NMNAT2: variants seen among roughly 807,000 people sequenced by gnomAD.
The protein encoded by NMNAT2 is nicotinamide nucleotide adenylyltransferase 2.
NMNAT2 carries 11 observed loss-of-function variants against 41.6 expected under a neutral mutation model. The ratio of observed to expected loss-of-function variants is 0.26; its 90% confidence interval spans 0.17 to 0.44. NMNAT2 has a LOEUF of 0.44. Ranked by LOEUF, NMNAT2 falls within the 20% of genes least tolerant of loss-of-function variation. The pLI is 1.00. For synonymous variants in NMNAT2, 148 were observed against 151.2 expected (o/e 0.98, Z 0.16); for missense variants, 288 against 407.7 (o/e 0.71, Z 2.53).
intron 1 of NMNAT2, among the ~76,000 whole-genome samples, chr1:183,365,946 A>G (rs1453712542): frequency 1.3e-5 from 2 of 152,194 alleles, no homozygotes; most frequent in African/African-American, 2.4e-5. Flanking sequence ...CAACTGAAAT[A>G]ACACCTTGAA....
chr1:183,411,908 T>A (rs1314696733), intron 1 of NMNAT2, among the ~76,000 whole-genome samples: 1 of 152,006 alleles, frequency 6.6e-6, no homozygotes, highest in Non-Finnish European at 1.5e-5. Flanking sequence ...AGGTTACATT[T>A]GAGTAAAGAA....
intron 3 of NMNAT2, among the ~76,000 whole-genome samples, chr1:183,292,050 T>A (rs1412072768): frequency 1.3e-5 from 2 of 152,238 alleles, no homozygotes; most frequent in African/African-American, 4.8e-5. Flanking sequence ...GCCCCTTTCA[T>A]GGAAACCTCT....
chr1:183,342,612 G>A (rs1489727935), intron 1 of NMNAT2, among the ~76,000 whole-genome samples: 1 of 152,134 alleles, frequency 6.6e-6, no homozygotes, highest in Non-Finnish European at 1.5e-5. Context: ...CCACCTCTAT[G>A]TTGGCAATCC....
In NMNAT2 at chr1:183,331,392, T is replaced by C. The variant is rs557467983; in HGVS notation, c.86-37599A>G. 3.3e-5 allele frequency among the ~76,000 whole-genome samples: 5 copies of C among 152,060 alleles called. No individual in the cohort carries two copies. The East Asian group carries it at 7.7e-4, about 24-fold the overall frequency. On this transcript the variant is annotated intron_variant, in intron 1 of 10. Transcript: ENST00000287713. ...CGTGAAGGAGAGAGGAGAAGGGAGC[T>C]GGAGGGTGCGGCACTGCATAGACAA...
intron 1 of NMNAT2, among the ~76,000 whole-genome samples, chr1:183,383,407 G>A (rs1487257303): frequency 1.3e-5 from 2 of 152,194 alleles, no homozygotes; most frequent in African/African-American, 2.4e-5. Flanking sequence ...CTCATTACTT[G>A]TGCAAATTTC....
chr1:183,248,820 T>A lies in NMNAT2; in HGVS notation c.*3821A>T, dbSNP rs1660294682. 1 of 152,128 alleles carries A rather than the reference T, an allele frequency of 6.6e-6. No individual in the cohort carries two copies. Among genetic ancestry groups the A allele is most frequent in the African/African-American group, 2.4e-5 (1 of 41,406 alleles). The allele number at this position is 152,128 out of a possible 1,614,324, so 9.4% of individuals were successfully genotyped here. A position where few individuals can be genotyped will look rare whatever the true frequency, so the allele number is the denominator to read the frequency against. Reference sequence around the variant, plus strand: ...ATCCTGAGCTTTTCATATTCTACCGTTTTATTTTTGCATTACTGTTTGGAT... The same window carrying A: ...ATCCTGAGCTTTTCATATTCTACCGATTTATTTTTGCATTACTGTTTGGAT... On this transcript the variant is annotated 3_prime_UTR_variant, in exon 11 of 11. Coordinates refer to ENST00000287713, the MANE Select transcript of NMNAT2 (RefSeq NM_015039.4).
At chr1:183,356,962 T>G in intron 1 of NMNAT2, among the ~76,000 whole-genome samples, 1 of 152,326 alleles carries the variant, frequency 6.6e-6, no homozygotes, top group African/African-American at 2.4e-5. Flanking sequence ...ACAGCCAATA[T>G]TTAAGTTTGG....
At chr1:183,324,620 C>A (rs943776333) in intron 1 of NMNAT2, among the ~76,000 whole-genome samples, 1 of 152,144 alleles carries the variant, frequency 6.6e-6, no homozygotes, top group Non-Finnish European at 1.5e-5. Context: ...ACACTCTGAG[C>A]CCTTTCTTGC....
intron 8 of NMNAT2, among the ~76,000 whole-genome samples, chr1:183,264,754 C>A (rs77536160): frequency 3.9e-5 from 6 of 152,090 alleles, no homozygotes; most frequent in Admixed American, 2.0e-4. Flanking sequence ...CTCAGTCCAA[C>A]GAGTACCCAT....
At chr1:183,362,033 G>T (rs902232172) in intron 1 of NMNAT2, among the ~76,000 whole-genome samples, 1 of 152,178 alleles carries the variant, frequency 6.6e-6, no homozygotes, top group African/African-American at 2.4e-5. Context: ...TGACCCCTAA[G>T]GTTCAAGCGA....
At chr1:183,265,928 C>T (rs1193243421) in intron 8 of NMNAT2, among the ~76,000 whole-genome samples, 1 of 152,142 alleles carries the variant, frequency 6.6e-6, no homozygotes, top group African/African-American at 2.4e-5. Context: ...AGATTGGACC[C>T]AGAAGAGAGA....
At chr1:183,408,210 TA>T (rs1156489184) in intron 1 of NMNAT2, among the ~76,000 whole-genome samples, 3 of 152,224 alleles carry the variant, frequency 2.0e-5, no homozygotes, top group Non-Finnish European at 1.5e-5. Context: ...AAGCTTTCTG[TA>T]AATGTTCAGA....
At chr1:183,333,654 T>C (rs1385655207) in intron 1 of NMNAT2, among the ~76,000 whole-genome samples, 1 of 83,662 alleles carries the variant, frequency 1.2e-5, no homozygotes. Context: ...TCCAGAACTG[T>C]AAGATAATAC....
chr1:183,323,069 C>A (rs895121724), intron 1 of NMNAT2, among the ~76,000 whole-genome samples: 3 of 152,082 alleles, frequency 2.0e-5, no homozygotes, highest in Admixed American at 6.6e-5. Context: ...ATAGCTGGGA[C>A]TACAGGCATG....
At chr1:183,302,218 A>T (rs963316777) in intron 1 of NMNAT2, among the ~76,000 whole-genome samples, 1 of 152,228 alleles carries the variant, frequency 6.6e-6, no homozygotes, top group Admixed American at 6.5e-5. Context: ...TATAAGGGAC[A>T]TAGAGAAGTA....
At chr1:183,302,256 C>G (rs1429043413) in intron 1 of NMNAT2, among the ~76,000 whole-genome samples, 1 of 152,126 alleles carries the variant, frequency 6.6e-6, no homozygotes, top group South Asian at 2.1e-4. Flanking sequence ...CTCCAAGGAG[C>G]CCAGGTTTTT....
intron 1 of NMNAT2, among the ~76,000 whole-genome samples, chr1:183,405,584 G>A (rs145841513): frequency 1.9e-4 from 29 of 152,326 alleles, no homozygotes; most frequent in South Asian, 4.1e-4. Flanking sequence ...ATAGGGAAGC[G>A]TCCACCACAT....
At chr1:183,293,659 G>T (rs181274441) in intron 2 of NMNAT2, 46 bp downstream of exon 2, 14 of 1,375,422 alleles carry the variant, frequency 1.0e-5, no homozygotes, top group East Asian at 4.6e-5. Context: ...GGCCAGGGAT[G>T]GGGGGACGGG....
At chr1:183,390,332 C>A (rs986521659) in intron 1 of NMNAT2, among the ~76,000 whole-genome samples, 3 of 152,184 alleles carry the variant, frequency 2.0e-5, no homozygotes, top group Non-Finnish European at 4.4e-5. Context: ...TACCTTCACA[C>A]CCTAATCTTG....
Sources: gnomAD v4.1 joint callset for allele counts (sites outside exome capture counted in the v4.1 genomes callset) on GRCh38, gnomAD v4.1.1 for gene constraint, MANE v1.5 for transcripts, NCBI Gene and HGNC (gene_info 2026-07-23, HGNC 2026-07-21) for gene names.